The following BMP6 variants were observed in gnomAD, a reference collection of about 807,000 sequenced individuals.
BMP6 encodes the protein VG-1-R.
A neutral mutation model predicts 54.1 loss-of-function variants in BMP6; 17 were observed. That is an observed-to-expected ratio of 0.31 (90% CI 0.22 to 0.47). The LOEUF (loss-of-function observed/expected upper bound fraction) is 0.47, where lower values mean the gene tolerates loss of function less well. Among genes scored for constraint, BMP6 ranks in the 20% least tolerant of loss-of-function variants. The probability of loss-of-function intolerance (pLI) is 1.00; values close to 1 mark genes in which losing one functional copy is unlikely to be tolerated. For missense variants in BMP6, 720 were observed against 690.4 expected (o/e 1.04, Z -0.48); for synonymous variants, 328 against 291.2 (o/e 1.13, Z -1.28).
At chr6:7,810,335 C>T (rs1758417600) in intron 1 of BMP6, among the ~76,000 whole-genome samples, 2 of 152,192 alleles carry the variant, frequency 1.3e-5, no homozygotes, top group Non-Finnish European at 2.9e-5. Flanking sequence ...TATGAGAAGA[C>T]ATCAGTTCAA....
At chr6:7,827,034 C>G (rs1321534646) in intron 1 of BMP6, among the ~76,000 whole-genome samples, 1 of 152,218 alleles carries the variant, frequency 6.6e-6, no homozygotes, top group African/African-American at 2.4e-5. Context: ...AACCTGGAAA[C>G]CAATGCAGCT....
intron 4 of BMP6, among the ~76,000 whole-genome samples, chr6:7,868,428 G>A (rs931198993): frequency 1.3e-5 from 2 of 152,156 alleles, no homozygotes; most frequent in African/African-American, 2.4e-5. Context: ...CCTGCTGCGC[G>A]TTCTTCAATG....
Position 7,786,106 on chromosome 6 carries a change from G to T in BMP6, c.664+58487G>T, listed in dbSNP as rs147720065. Among the ~76,000 whole-genome samples, 1,007 of 152,318 alleles carry T rather than the reference G, an allele frequency of 6.6e-3. 6 individuals carry two copies. Among genetic ancestry groups the T allele is most frequent in the Middle Eastern group, 0.014 (4 of 294 alleles). On this transcript the variant is annotated intron_variant, in intron 1 of 6. Coordinates refer to ENST00000283147, the MANE Select transcript of BMP6 (RefSeq NM_001718.6). ...GGGAAAGCACGTACACGCGTCTTTG[G>T]TCTCTAAGCTCCATCTGCAATAAGG...
chr6:7,750,510 T>C (rs985709099), intron 1 of BMP6, among the ~76,000 whole-genome samples: 16 of 152,202 alleles, frequency 1.1e-4, no homozygotes, highest in Admixed American at 4.6e-4. Context: ...ACAGTGACTT[T>C]TGCAATAACG....
At chr6:7,864,282 T>G (rs1285482914) in intron 4 of BMP6, among the ~76,000 whole-genome samples, 3 of 152,220 alleles carry the variant, frequency 2.0e-5, no homozygotes, top group Non-Finnish European at 4.4e-5. Context: ...TTTCCCTGGT[T>G]GCTACCCTGT....
At chr6:7,858,101 TA>T (rs1190553689) in intron 2 of BMP6, among the ~76,000 whole-genome samples, 4 of 152,102 alleles carry the variant, frequency 2.6e-5, no homozygotes, top group Admixed American at 6.5e-5. Flanking sequence ...TTTATTTATT[TA>T]GACAGGGTCT....
At chr6:7,845,815 A>G (rs1349694637) in intron 2 of BMP6, among the ~76,000 whole-genome samples, 2 of 151,580 alleles carry the variant, frequency 1.3e-5, no homozygotes, top group African/African-American at 4.9e-5. Flanking sequence ...TATCACTTGG[A>G]TACAAGGGAG....
At position 7,727,283 on chromosome 6, in the gene BMP6, CAGG is replaced by C. The variant is rs781449388; in HGVS notation, c.334_336del (p.Glu112del). 1.9e-6 allele frequency: 3 copies of C among 1,604,202 alleles called. No individual in the cohort carries two copies. The highest frequency in any genetic ancestry group is 1.7e-6 in the Non-Finnish European group (2 of 1,176,752). ...GCCGCAGCCCCCGGCGCTCCGGCAG[CAGG>C]AGGAGCAGCAGCAGCAGCAGCAGCT... On this transcript the variant is annotated inframe_deletion, in exon 1 of 7. Coordinates refer to ENST00000283147, the MANE Select transcript of BMP6 (RefSeq NM_001718.6).
intron 2 of BMP6, among the ~76,000 whole-genome samples, chr6:7,846,672 A>G (rs1163242880): frequency 6.6e-6 from 1 of 152,216 alleles, no homozygotes; most frequent in Admixed American, 6.5e-5. Context: ...TTTTGGAACA[A>G]AAGGGAAGTT....
chr6:7,795,310 G>A (rs1162965643), intron 1 of BMP6, among the ~76,000 whole-genome samples: 3 of 152,210 alleles, frequency 2.0e-5, no homozygotes, highest in African/African-American at 4.8e-5. Context: ...GAGATGGTCA[G>A]TGTGGGTTTT....
chr6:7,854,497 T>G (rs1186069815), intron 2 of BMP6, among the ~76,000 whole-genome samples: 3 of 152,176 alleles, frequency 2.0e-5, no homozygotes, highest in Non-Finnish European at 4.4e-5. Flanking sequence ...GCATGTCACA[T>G]GTTTAAAAGG....
At chr6:7,834,006 C>G (rs567306018) in intron 1 of BMP6, among the ~76,000 whole-genome samples, 25 of 152,000 alleles carry the variant, frequency 1.6e-4, no homozygotes, top group Non-Finnish European at 3.1e-4. Context: ...CATGAGCAAA[C>G]AAACATAAAA....
chr6:7,860,760 A>C (rs558926019), intron 2 of BMP6, among the ~76,000 whole-genome samples: 2 of 152,340 alleles, frequency 1.3e-5, no homozygotes, highest in African/African-American at 4.8e-5. Context: ...CTTAATTAAA[A>C]TAGTAGATGA....
chr6:7,823,985 A>G (rs1443635171), intron 1 of BMP6, among the ~76,000 whole-genome samples: 15 of 152,348 alleles, frequency 9.8e-5, no homozygotes, highest in Admixed American at 8.5e-4. Context: ...CCTTCTGGCC[A>G]CTGTGTAGAG....
chr6:7,754,964 T>C (rs929728525), intron 1 of BMP6, among the ~76,000 whole-genome samples: 1 of 152,140 alleles, frequency 6.6e-6, no homozygotes, highest in Non-Finnish European at 1.5e-5. Flanking sequence ...GTGATCTGCC[T>C]GCCTTGGCCT....
At chr6:7,782,857 C>G (rs746134902) in intron 1 of BMP6, among the ~76,000 whole-genome samples, 2 of 152,064 alleles carry the variant, frequency 1.3e-5, no homozygotes, top group Non-Finnish European at 2.9e-5. Context: ...TGAGAAAGGG[C>G]TTGTCAAGAG....
intron 1 of BMP6, among the ~76,000 whole-genome samples, chr6:7,749,376 C>G (rs1241978260): frequency 6.6e-6 from 1 of 152,196 alleles, no homozygotes; most frequent in Non-Finnish European, 1.5e-5. Flanking sequence ...CCTATATTAA[C>G]TGTATCTTAT....
In BMP6 at chr6:7,880,934, T is replaced by G. The variant is rs1479829862; in HGVS notation, c.*591T>G. ...TGTTCGTGCTGGAGTTTTGTTGGTG[T>G]GAAAATACACTTATTTCAGCCAAAA... On this transcript the variant is annotated 3_prime_UTR_variant, in exon 7 of 7. Coordinates refer to ENST00000283147, the MANE Select transcript of BMP6 (RefSeq NM_001718.6). 1.3e-5 allele frequency: 2 copies of G among 155,002 alleles called. No homozygotes were observed. The highest frequency in any genetic ancestry group is 2.9e-5 in the Non-Finnish European group (2 of 69,694). 9.6% of individuals were successfully genotyped at this position (155,002 alleles called of 1,614,324 possible).
chr6:7,772,466 A>G (rs11243204), intron 1 of BMP6, among the ~76,000 whole-genome samples: 26,593 of 152,178 alleles, frequency 0.17, 2,771 homozygotes, highest in South Asian at 0.26. Flanking sequence ...TCAAACAGCC[A>G]GAACACTCTC....
Sources: allele counts gnomAD v4.1 joint callset (sites outside exome capture counted in the v4.1 genomes callset), GRCh38; gene constraint gnomAD v4.1.1; transcripts MANE v1.5; gene names NCBI Gene and HGNC (gene_info 2026-07-23, HGNC 2026-07-21).